CR1L: variants seen among roughly 807,000 people sequenced by gnomAD.
The protein encoded by CR1L is complement component receptor 1-like protein.
A neutral mutation model predicts 62.3 loss-of-function variants in CR1L; 59 were observed. The ratio of observed to expected loss-of-function variants is 0.95; its 90% CI spans 0.77 to 1.18. The LOEUF (loss-of-function observed/expected upper bound fraction) is 1.18. Among genes scored for constraint, CR1L ranks in the 50% most tolerant of loss-of-function variants. The probability of loss-of-function intolerance (pLI) is 0.00; values close to 1 mark genes in which losing one functional copy is unlikely to be tolerated. For missense variants in CR1L, 700 were observed against 702.8 expected, an observed-to-expected ratio of 1.00 and a Z score of 0.04; for synonymous variants, 279 against 248.7, an observed-to-expected ratio of 1.12 and a Z score of -1.15.
intron 9 of CR1L, among the ~76,000 whole-genome samples, chr1:207,702,433 T>G (rs897956008): frequency 1.3e-5 from 2 of 152,146 alleles, no homozygotes; most frequent in African/African-American, 4.8e-5. Flanking sequence ...AGTGTTGACA[T>G]GAAGGGAGGA....
chr1:207,669,222 C>T (rs551785227), intron 1 of CR1L: 5 of 390,900 alleles, frequency 1.3e-5, no homozygotes, highest in Non-Finnish European at 2.4e-5. Context: ...GCAAGGTGGG[C>T]TCTGCCAGCG....
chr1:207,681,574 G>A (rs11578756), intron 3 of CR1L, among the ~76,000 whole-genome samples: 5,843 of 152,248 alleles, frequency 0.038, 178 homozygotes, highest in South Asian at 0.12. Flanking sequence ...CCTTTGATCA[G>A]TGAACATAAA....
At chr1:207,652,338 A>C (rs1331400100) in intron 1 of CR1L, among the ~76,000 whole-genome samples, 3 of 152,234 alleles carry the variant, frequency 2.0e-5, no homozygotes, top group Non-Finnish European at 4.4e-5. Flanking sequence ...TCCCAAACAA[A>C]CCAAAAGCTA....
At chr1:207,717,773 T>C in intron 11 of CR1L, 82 bp downstream of exon 11, 1 of 1,535,238 alleles carries the variant, frequency 6.5e-7, no homozygotes, top group Non-Finnish European at 8.9e-7. Context: ...GACAGTCATT[T>C]TTGCTTGTGA....
In CR1L at chr1:207,645,223, C is replaced by A; in HGVS notation, c.-11C>A. The A allele has an allele frequency of 1.2e-6, 2 of 1,612,462 alleles. No individual in the cohort carries two copies. The highest frequency in any genetic ancestry group is 1.7e-6 in the Non-Finnish European group (2 of 1,179,894). On this transcript the variant is annotated 5_prime_UTR_variant, in exon 1 of 12. Coordinates refer to ENST00000508064, the MANE Select transcript of CR1L (RefSeq NM_175710.2). ...ACCTCCGGATAAATCACGGGGTCTC[C>A]CGCGCCGCTCATGGCGCCTCCCGTC...
At chr1:207,676,914 C>T (rs1663700161) in intron 1 of CR1L, among the ~76,000 whole-genome samples, 1 of 152,162 alleles carries the variant, frequency 6.6e-6, no homozygotes, top group Non-Finnish European at 1.5e-5. Flanking sequence ...CCTTGGTCTC[C>T]CAAAGTGCTG....
intron 1 of CR1L, among the ~76,000 whole-genome samples, chr1:207,674,889 C>T (rs2102456175): frequency 6.6e-6 from 1 of 151,510 alleles, no homozygotes; most frequent in Admixed American, 6.6e-5. Flanking sequence ...CAGTGGTTCT[C>T]AAAGTGCTGT....
Position 207,717,545 on chromosome 1 carries a change from A to G in CR1L, c.1496A>G (p.Glu499Gly), listed in dbSNP as rs1173161516. Reference protein sequence around the residue: ...TPLGDIPYGKEVSYTCDPHPD... With the variant: ...TPLGDIPYGKGVSYTCDPHPD... Reference sequence around the variant, plus strand: ...CTTGGAGATATTCCCTATGGAAAAGAAGTATCTTACACATGTGACCCCCAC... The same window carrying G: ...CTTGGAGATATTCCCTATGGAAAAGGAGTATCTTACACATGTGACCCCCAC... Residue 499 changes from glutamate (E) to glycine (G), a missense_variant, in exon 11 of 12, where the codon GAA (glutamate) becomes GGA (glycine). Physicochemically the swap from Glu to Gly is moderately conservative, Grantham distance 98 (BLOSUM62 -2). Coordinates refer to ENST00000508064, the MANE Select transcript of CR1L (RefSeq NM_175710.2). 2.5e-6 allele frequency: 4 copies of G among 1,613,782 alleles called. No individual in the cohort carries two copies. The East Asian group carries it at 6.7e-5, about 27-fold the overall frequency.
intron 1 of CR1L, among the ~76,000 whole-genome samples, chr1:207,672,695 G>C (rs559629004): frequency 2.0e-5 from 3 of 152,172 alleles, no homozygotes; most frequent in East Asian, 1.9e-4. Context: ...CTTTACCAGG[G>C]AGTGTTTAAC....
intron 10 of CR1L, among the ~76,000 whole-genome samples, chr1:207,716,664 T>C (rs953031062): frequency 5.3e-5 from 8 of 152,094 alleles, no homozygotes; most frequent in South Asian, 2.1e-4. Flanking sequence ...CAGAGACACA[T>C]AGAGCTGAAA....
At chr1:207,655,601 T>C (rs1663295337) in intron 1 of CR1L, among the ~76,000 whole-genome samples, 1 of 152,102 alleles carries the variant, frequency 6.6e-6, no homozygotes, top group African/African-American at 2.4e-5. Flanking sequence ...CCACCATACC[T>C]GGCTTTTTGT....
At chr1:207,663,634 C>T (rs561752358) in intron 1 of CR1L, among the ~76,000 whole-genome samples, 13 of 152,316 alleles carry the variant, frequency 8.5e-5, no homozygotes, top group African/African-American at 2.4e-4. Flanking sequence ...ATGCACAGTG[C>T]GCTGCACCCA....
intron 9 of CR1L, among the ~76,000 whole-genome samples, chr1:207,706,042 TATAA>T (rs1473962269): frequency 3.4e-5 from 4 of 118,074 alleles, no homozygotes; most frequent in African/African-American, 1.3e-4. Flanking sequence ...TATATATATA[TATAA>T]AACACTGAAT....
chr1:207,708,358 T>C lies in CR1L; in HGVS notation c.1414+95T>C. On this transcript the variant is annotated intron_variant, in intron 10 of 11. Transcript: ENST00000508064. Reference sequence around the variant, plus strand: ...GAATGAATCTCATCCCTCTTGGAAATGGTATCCTTCTGATATTTGAAGAAT... The same window carrying C: ...GAATGAATCTCATCCCTCTTGGAAACGGTATCCTTCTGATATTTGAAGAAT... 28 of 1,474,296 alleles carry C rather than the reference T, an allele frequency of 1.9e-5. 1 individual carries two copies. Among genetic ancestry groups the C allele is most frequent in the Non-Finnish European group, 2.5e-5 (27 of 1,066,102 alleles). The allele number at this position is 1,474,296 out of a possible 1,614,324, so 91.3% of individuals were successfully genotyped here. A position where few individuals can be genotyped will look rare whatever the true frequency, so the allele number is the denominator to read the frequency against.
intron 1 of CR1L, among the ~76,000 whole-genome samples, chr1:207,659,446 C>G (rs1663373143): frequency 6.6e-6 from 1 of 152,200 alleles, no homozygotes; most frequent in Non-Finnish European, 1.5e-5. Context: ...CTGCAGCAAT[C>G]TTGTTTAAAT....
intron 10 of CR1L, chr1:207,708,754 G>C (rs1252779991): frequency 4.4e-5 from 20 of 454,698 alleles, no homozygotes; most frequent in South Asian, 2.9e-4. Context: ...AGAGGAATGA[G>C]CAATTGCAAG....
rs770843528 is a variant in CR1L at position 207,717,493 on chromosome 1, C to A, written c.1444C>A (p.Leu482Ile). 2 of 1,613,548 alleles carry A rather than the reference C, an allele frequency of 1.2e-6. No individual in the cohort carries two copies. Among genetic ancestry groups the A allele is most frequent in the African/African-American group, 1.3e-5 (1 of 74,906 alleles). Residue 482 changes from leucine to isoleucine, a missense_variant, in exon 11 of 12, where the codon CTT becomes ATT. Leu to Ile is a conservative substitution (Grantham distance 5). Transcript: ENST00000508064. ...QIFCPNPPAI[L>I]NGRHTGTPLG... ...CTTTTGTCCAAATCCTCCAGCTATC[C>A]TTAATGGGAGACACACAGGAACTCC...
rs539115147 is a variant in CR1L at position 207,710,783 on chromosome 1, G to A, written c.1414+2520G>A. On this transcript the variant is annotated intron_variant, in intron 10 of 11. Transcript: ENST00000508064. ...AGCCGGAGCTACCAAGCTGCTCCAGGGGTGTGTTTGCCTGAGGCCTAGAAG... is the reference window on the plus strand; with the variant it reads ...AGCCGGAGCTACCAAGCTGCTCCAGAGGTGTGTTTGCCTGAGGCCTAGAAG... 2.9e-4 allele frequency: 464 copies of A among 1,597,228 alleles called. 9 individuals are homozygous for A. In the South Asian group the frequency reaches 4.9e-3, roughly 17 times the overall value.
At chr1:207,694,950 A>G (rs1185055395) in intron 5 of CR1L, among the ~76,000 whole-genome samples, 199 bp downstream of exon 5, 2 of 152,240 alleles carry the variant, frequency 1.3e-5, no homozygotes, top group Non-Finnish European at 2.9e-5. Flanking sequence ...AAACCTGGAC[A>G]AGGAACGTGA....
Sources: allele counts gnomAD v4.1 joint callset (sites outside exome capture counted in the v4.1 genomes callset), GRCh38; gene constraint gnomAD v4.1.1; transcripts MANE v1.5; gene names NCBI Gene and HGNC (gene_info 2026-07-23, HGNC 2026-07-21).